Variants in PACSIN2 observed in about 807,000 individuals in gnomAD.
The protein encoded by PACSIN2 is protein kinase C and casein kinase substrate in neurons protein 2.
PACSIN2 carries 25 observed loss-of-function variants against 63.8 expected under a neutral mutation model. The observed-to-expected ratio is 0.39, with a 90% CI of 0.29 to 0.55. The LOEUF (loss-of-function observed/expected upper bound fraction) is 0.55, where lower values mean the gene tolerates loss of function less well. Among genes scored for constraint, PACSIN2 ranks in the 20% least tolerant of loss-of-function variants. PACSIN2 has a pLI of 0.62. For missense variants in PACSIN2, 518 were observed against 646.9 expected, an observed-to-expected ratio of 0.80 and a Z score of 2.16; for synonymous variants, 255 against 256.2, an observed-to-expected ratio of 1.00 and a Z score of 0.05.
intron 7 of PACSIN2, among the ~76,000 whole-genome samples, chr22:42,880,780 A>G (rs1012740095): frequency 1.3e-5 from 2 of 152,044 alleles, no homozygotes; most frequent in African/African-American, 4.8e-5. Context: ...GACACCCTCC[A>G]GGAGACAGAC....
chr22:42,876,061 T>G, intron 10 of PACSIN2, 76 bp downstream of exon 10: 1 of 1,349,740 alleles, frequency 7.4e-7, no homozygotes, highest in Non-Finnish European at 1.0e-6. Flanking sequence ...TTTCCAGACT[T>G]AAAAAACAAA....
chr22:42,886,548 C>T (rs1044750926), intron 5 of PACSIN2, among the ~76,000 whole-genome samples: 1 of 152,124 alleles, frequency 6.6e-6, no homozygotes, highest in African/African-American at 2.4e-5. Context: ...TTGCAGCAGC[C>T]TTGAACTCCT....
chr22:42,906,678 A>G (rs1601498073), intron 2 of PACSIN2, among the ~76,000 whole-genome samples: 1 of 152,350 alleles, frequency 6.6e-6, no homozygotes, highest in African/African-American at 2.4e-5. Context: ...TGAAAAAGGT[A>G]GGTATACAGT....
intron 1 of PACSIN2, among the ~76,000 whole-genome samples, chr22:42,950,884 G>A (rs1933659618): frequency 1.3e-5 from 2 of 152,104 alleles, no homozygotes; most frequent in South Asian, 2.1e-4. Context: ...TTCCAGTAGG[G>A]GTCAGGGGAT....
At chr22:42,990,770 C>T (rs1358911892) in intron 1 of PACSIN2, among the ~76,000 whole-genome samples, 2 of 152,040 alleles carry the variant, frequency 1.3e-5, no homozygotes, top group Admixed American at 1.3e-4. Flanking sequence ...TCAGACAGTC[C>T]GACCCCTCCC....
chr22:42,986,116 A>G (rs1922593763), intron 1 of PACSIN2, among the ~76,000 whole-genome samples: 1 of 152,222 alleles, frequency 6.6e-6, no homozygotes. Context: ...CCCAGAATTA[A>G]CACAGAAACA....
intron 1 of PACSIN2, among the ~76,000 whole-genome samples, chr22:42,920,496 T>C (rs2146744756): frequency 6.6e-6 from 1 of 152,358 alleles, no homozygotes; most frequent in East Asian, 1.9e-4. Flanking sequence ...GCTATTTTAG[T>C]GTCACTTTTT....
chr22:42,871,480 A>G lies in PACSIN2; in HGVS notation c.1349-11T>C. On this transcript the variant is annotated splice_polypyrimidine_tract_variant and intron_variant, in intron 10 of 10. Transcript: ENST00000263246. The surrounding 1 kb of genome is among the most constrained non-coding windows in gnomAD (Gnocchi z 5.4). ...TGGTCAGCTCATCCCCTGCAAGACA[A>G]AGAGGGAGCCGTCTCCATGAGAGGT... 1 of 1,597,184 alleles carries G rather than the reference A, an allele frequency of 6.3e-7. No homozygotes were observed. The highest frequency in any genetic ancestry group is 1.1e-5 in the South Asian group (1 of 90,760).
At chr22:42,911,795 C>A (rs954150084) in intron 2 of PACSIN2, among the ~76,000 whole-genome samples, 2 of 152,208 alleles carry the variant, frequency 1.3e-5, no homozygotes, top group Non-Finnish European at 2.9e-5. Flanking sequence ...TCAGCCTTTC[C>A]TAGCAAGGTA....
chr22:43,000,059 T>C (rs890006985), intron 1 of PACSIN2, among the ~76,000 whole-genome samples: 13 of 152,246 alleles, frequency 8.5e-5, no homozygotes, highest in African/African-American at 3.1e-4. Context: ...ATCTCAGAGC[T>C]GGGATTCAAG....
intron 5 of PACSIN2, 47 bp from the exon 6 acceptor site, chr22:42,884,608 C>A (rs764073180): frequency 1.6e-5 from 25 of 1,530,318 alleles, no homozygotes; most frequent in Non-Finnish European, 2.2e-5. Context: ...TCCATTTAGC[C>A]CTTGGCTCAC....
Position 42,931,545 on chromosome 22 carries a change from G to T in PACSIN2, c.-77-19388C>A, listed in dbSNP as rs541419494. Among the ~76,000 whole-genome samples the T allele has an allele frequency of 7.2e-5, 11 of 152,306 alleles. No homozygotes were observed. In the East Asian group the frequency reaches 1.7e-3, roughly 24 times the overall value. On this transcript the variant is annotated intron_variant, in intron 1 of 10. Coordinates refer to ENST00000263246, the MANE Select transcript of PACSIN2 (RefSeq NM_001184970.3). Reference sequence around the variant, plus strand: ...CAGTCAGCGTCAATGGAACCAGCCAGGGTTCAGAGGGCTCCACAAAGCCGA... The same window carrying T: ...CAGTCAGCGTCAATGGAACCAGCCATGGTTCAGAGGGCTCCACAAAGCCGA...
chr22:43,014,801 T>C (rs1269194888), intron 1 of PACSIN2, among the ~76,000 whole-genome samples: 1 of 88,750 alleles, frequency 1.1e-5, no homozygotes, highest in Non-Finnish European at 2.3e-5. Context: ...GCCCTCGTCC[T>C]CCCCAAGATG....
intron 1 of PACSIN2, among the ~76,000 whole-genome samples, chr22:43,010,447 C>A (rs546903018): frequency 2.3e-3 from 343 of 148,494 alleles, no homozygotes; most frequent in African/African-American, 8.1e-3. Context: ...CGGTGGCTCA[C>A]GCCTGTAATC....
intron 1 of PACSIN2, among the ~76,000 whole-genome samples, chr22:42,963,088 T>G (rs1448751420): frequency 1.3e-5 from 2 of 152,200 alleles, no homozygotes; most frequent in Non-Finnish European, 2.9e-5. Flanking sequence ...GAATTCCAGT[T>G]CTGATCTGGC....
intron 1 of PACSIN2, among the ~76,000 whole-genome samples, chr22:42,930,284 C>T (rs1932758799): frequency 6.6e-6 from 1 of 152,190 alleles, no homozygotes; most frequent in Non-Finnish European, 1.5e-5. Flanking sequence ...GCCTAACTCA[C>T]ACACTTTCCT....
chr22:42,985,120 G>A (rs942782838), intron 1 of PACSIN2, among the ~76,000 whole-genome samples: 2 of 152,320 alleles, frequency 1.3e-5, no homozygotes, highest in Admixed American at 1.3e-4. Context: ...CTTGAGGTCA[G>A]GGGTTCAAGA....
chr22:42,883,964 G>A (rs1485780227), intron 6 of PACSIN2, among the ~76,000 whole-genome samples: 1 of 151,388 alleles, frequency 6.6e-6, no homozygotes, highest in Non-Finnish European at 1.5e-5. Context: ...CTGAGATCAC[G>A]CCACTGCACT....
At chr22:42,979,749 C>T (rs958739280) in intron 1 of PACSIN2, among the ~76,000 whole-genome samples, 1 of 152,096 alleles carries the variant, frequency 6.6e-6, no homozygotes, top group Non-Finnish European at 1.5e-5. Context: ...GACATTGCCT[C>T]CTCTAGGCTG....
Sources: allele counts gnomAD v4.1 joint callset (sites outside exome capture counted in the v4.1 genomes callset), GRCh38; gene constraint gnomAD v4.1.1; non-coding constraint Gnocchi (gnomAD v3.1); transcripts MANE v1.5; gene names NCBI Gene and HGNC (gene_info 2026-07-23, HGNC 2026-07-21).